AOPEP: variants seen among roughly 807,000 people sequenced by gnomAD.
AOPEP encodes aminopeptidase O.
Under a neutral mutation model 98.1 loss-of-function variants are expected in AOPEP, and 77 were observed. The observed-to-expected ratio is 0.78, with a 90% confidence interval of 0.65 to 0.95. The LOEUF (loss-of-function observed/expected upper bound fraction) is 0.95, where lower values mean the gene tolerates loss of function less well. Ranked by LOEUF, AOPEP falls within the 40% of genes least tolerant of loss-of-function variation. The pLI is 0.00. For synonymous variants in AOPEP, 346 were observed against 365.3 expected, an observed-to-expected ratio of 0.95 and a Z score of 0.60; for missense variants, 1,024 against 1,024.7, an observed-to-expected ratio of 1.00 and a Z score of 0.01.
downstream of AOPEP, among the ~76,000 whole-genome samples, chr9:95,091,914 C>T (rs1423976667): frequency 6.6e-6 from 1 of 152,202 alleles, no homozygotes; most frequent in African/African-American, 2.4e-5. Context: ...CCTGAGAAGC[C>T]ACTCTTGGGG....
rs752177178 is a variant in AOPEP, at chr9:95,082,643, T to C, written c.2388T>C (p.Arg796=). ...ACGCCAGACAGCAGCAGCTCGCCCG[T>C]AGGTGCTTCGAGCGGACCAAGGAGC... The part of the protein sequence containing the change: ...SEDARQQQLA[R]RCFERTKEQM... The change falls in exon 16 of 17, where the codon CGT becomes CGC. Residue 796 remains arginine, a synonymous_variant. Coordinates refer to ENST00000375315, the MANE Select transcript of AOPEP (RefSeq NM_001193329.3). The C allele has an allele frequency of 3.1e-6, 5 of 1,614,048 alleles. No homozygotes were observed. Among genetic ancestry groups the C allele is most frequent in the Non-Finnish European group, 4.2e-6 (5 of 1,179,998 alleles).
intron 11 of AOPEP, among the ~76,000 whole-genome samples, chr9:94,996,467 T>C (rs953303405): frequency 2.0e-5 from 3 of 151,814 alleles, no homozygotes; most frequent in African/African-American, 7.3e-5. Context: ...TGTGACTTCA[T>C]TGGTTTTCTT....
At chr9:95,072,507 C>T (rs1010336497) in intron 14 of AOPEP, among the ~76,000 whole-genome samples, 7 of 152,072 alleles carry the variant, frequency 4.6e-5, no homozygotes, top group Non-Finnish European at 1.0e-4. Context: ...GTGGCATGCA[C>T]CTGTAGTCCC....
At chr9:94,733,986 GA>G (rs1831159760) in intron 1 of AOPEP, among the ~76,000 whole-genome samples, 1 of 152,220 alleles carries the variant, frequency 6.6e-6, no homozygotes, top group Admixed American at 6.5e-5. Context: ...TCTGAATGGA[GA>G]AATGTGCGTT....
intron 4 of AOPEP, among the ~76,000 whole-genome samples, chr9:94,799,155 G>A (rs987054716): frequency 6.6e-6 from 1 of 152,140 alleles, no homozygotes; most frequent in Non-Finnish European, 1.5e-5. Context: ...GTAAGTGAAA[G>A]GTACTTCTTA....
At chr9:94,964,298 G>C (rs767020531) in intron 9 of AOPEP, among the ~76,000 whole-genome samples, 11 of 152,144 alleles carry the variant, frequency 7.2e-5, no homozygotes, top group Non-Finnish European at 1.5e-4. Context: ...CAGCCCACTG[G>C]GAGGCAGGAC....
At chr9:94,754,472 G>A (rs186242237) in intron 1 of AOPEP, among the ~76,000 whole-genome samples, 1 of 152,242 alleles carries the variant, frequency 6.6e-6, no homozygotes, top group African/African-American at 2.4e-5. Context: ...CAAGTAAAAA[G>A]ATGAGGCATA....
chr9:94,753,848 G>A (rs1219415287), intron 1 of AOPEP, among the ~76,000 whole-genome samples: 3 of 152,250 alleles, frequency 2.0e-5, no homozygotes, highest in South Asian at 2.1e-4. Context: ...TAGACATCTC[G>A]TGTTTTCTTC....
intron 10 of AOPEP, among the ~76,000 whole-genome samples, chr9:94,973,453 T>C (rs2059649120): frequency 6.6e-6 from 1 of 152,262 alleles, no homozygotes; most frequent in South Asian, 2.1e-4. Context: ...TTTCTGGCTT[T>C]ACACACAGCT....
At chr9:94,787,701 AC>A (rs1844744461) in intron 3 of AOPEP, among the ~76,000 whole-genome samples, 1 of 152,172 alleles carries the variant, frequency 6.6e-6, no homozygotes. Flanking sequence ...TGTTAAGATT[AC>A]CTTTTAATTA....
intron 5 of AOPEP, among the ~76,000 whole-genome samples, chr9:94,841,021 C>T (rs960205243): frequency 1.3e-5 from 2 of 152,132 alleles, no homozygotes; most frequent in Admixed American, 1.3e-4. Flanking sequence ...TTTCCTTCCT[C>T]TACTTGCTTT....
intron 13 of AOPEP, among the ~76,000 whole-genome samples, chr9:95,041,515 C>G (rs1232971148): frequency 6.7e-6 from 1 of 148,424 alleles, no homozygotes; most frequent in East Asian, 2.0e-4. Context: ...TACAATAAGC[C>G]AGTTTGTGAT....
chr9:94,857,727 A>G (rs1375815253), intron 5 of AOPEP, among the ~76,000 whole-genome samples: 3 of 152,162 alleles, frequency 2.0e-5, no homozygotes, highest in Non-Finnish European at 4.4e-5. Context: ...TGAAAGGTGA[A>G]CTTGCAAGTA....
intron 16 of AOPEP, chr9:95,086,225 T>C: frequency 7.9e-7 from 1 of 1,273,272 alleles, no homozygotes; most frequent in East Asian, 5.6e-5. Flanking sequence ...GCCAGTCATC[T>C]GCATGTGCTC....
At chr9:95,088,273 G>T (rs1023575914), downstream of AOPEP, among the ~76,000 whole-genome samples, 1 of 151,466 alleles carries the variant, frequency 6.6e-6, no homozygotes, top group African/African-American at 2.4e-5. Context: ...GCAATGGCAC[G>T]ATCTCTGTAC....
At chr9:95,004,125 A>G (rs1168027186) in intron 11 of AOPEP, 1 of 413,766 alleles carries the variant, frequency 2.4e-6, no homozygotes, top group African/African-American at 2.1e-5. Flanking sequence ...AAGAAATGTG[A>G]TAAAGTTAAA....
intron 9 of AOPEP, among the ~76,000 whole-genome samples, chr9:94,956,351 C>G (rs749214670): frequency 3.3e-5 from 5 of 152,202 alleles, no homozygotes; most frequent in African/African-American, 4.8e-5. Context: ...GCCACAGGCT[C>G]CAAGTCACCC....
At chr9:95,037,676 G>GA (rs1490943496) in intron 13 of AOPEP, among the ~76,000 whole-genome samples, 2 of 152,154 alleles carry the variant, frequency 1.3e-5, no homozygotes, top group African/African-American at 4.8e-5. Flanking sequence ...TAGTGAAACT[G>GA]AAAAGAAAAA....
intron 11 of AOPEP, among the ~76,000 whole-genome samples, chr9:95,000,401 G>A (rs1008470169): frequency 6.6e-6 from 1 of 151,844 alleles, no homozygotes; most frequent in African/African-American, 2.4e-5. Flanking sequence ...TTACATAAAG[G>A]ATGTTACATT....
Sources: gnomAD v4.1 joint callset for allele counts (sites outside exome capture counted in the v4.1 genomes callset) on GRCh38, gnomAD v4.1.1 for gene constraint, MANE v1.5 for transcripts, NCBI Gene and HGNC (gene_info 2026-07-23, HGNC 2026-07-21) for gene names.